Variants in GSE1 observed in about 807,000 individuals in gnomAD.
The protein encoded by GSE1 is Gse1 coiled-coil protein.
In GSE1, 32 loss-of-function variants were observed where a neutral mutation model predicts 112.6. The observed-to-expected ratio is 0.28, with a 90% CI of 0.21 to 0.38. The LOEUF (loss-of-function observed/expected upper bound fraction) is 0.38. GSE1 is among the 10% of genes least tolerant of loss of function. GSE1 has a pLI of 1.00. For missense variants in GSE1, 2,348 were observed against 1,699.2 expected (o/e 1.38, Z -6.71); for synonymous variants, 1,115 against 735.6 (o/e 1.52, Z -8.35).
intron 8 of GSE1, among the ~76,000 whole-genome samples, chr16:85,660,480 G>A (rs915669508): frequency 1.3e-5 from 2 of 152,042 alleles, no homozygotes; most frequent in African/African-American, 4.8e-5. Context: ...CTACTAAATA[G>A]GAAAAATTAG....
chr16:85,622,519 C>T lies in GSE1; in HGVS notation c.7+9121C>T, dbSNP rs146326846. Among the ~76,000 whole-genome samples, 528 of 152,294 alleles carry T rather than the reference C, an allele frequency of 3.5e-3. 5 individuals carry two copies. Among genetic ancestry groups the T allele is most frequent in the Non-Finnish European group, 9.0e-4 (61 of 68,034 alleles). ...TGGATGCTACACATCTTCAAACACA[C>T]GCTCCCACAGGGTTTACAGATAGGC... On this transcript the variant is annotated intron_variant, in intron 1 of 15. Transcript: ENST00000253458.
chr16:85,532,214 G>A (rs1011386053), intron 2 of GSE1, among the ~76,000 whole-genome samples: 7 of 152,130 alleles, frequency 4.6e-5, no homozygotes, highest in East Asian at 3.8e-4. Context: ...ACTGAGGCAC[G>A]TAGGAGTATG....
chr16:85,463,985 C>T (rs973987099), intron 2 of GSE1, among the ~76,000 whole-genome samples: 2 of 152,112 alleles, frequency 1.3e-5, no homozygotes, highest in Admixed American at 1.3e-4. Context: ...TGGGCGGGGA[C>T]GCTGGCCTCA....
At chr16:85,466,678 A>G (rs112263103) in intron 2 of GSE1, among the ~76,000 whole-genome samples, 1,844 of 150,314 alleles carry the variant, frequency 0.012, 33 homozygotes, top group African/African-American at 0.044. Context: ...TGCAAATTAA[A>G]AAAAAAAAGA....
intron 1 of GSE1, among the ~76,000 whole-genome samples, chr16:85,332,506 T>C (rs1006677775): frequency 1.3e-5 from 2 of 152,134 alleles, no homozygotes; most frequent in African/African-American, 2.4e-5. Context: ...GCGGGATCCA[T>C]AGCCAGCAGC....
chr16:85,361,656 G>A (rs2047084676), intron 2 of GSE1, among the ~76,000 whole-genome samples: 1 of 152,222 alleles, frequency 6.6e-6, no homozygotes, highest in African/African-American at 2.4e-5. Context: ...CACTTCCCTG[G>A]AAATGCCTCG....
At chr16:85,254,050 C>T (rs1172084642) in intron 1 of GSE1, among the ~76,000 whole-genome samples, 1 of 152,168 alleles carries the variant, frequency 6.6e-6, no homozygotes. Flanking sequence ...GATGGGGACC[C>T]TGCCGTGTGG....
intron 2 of GSE1, among the ~76,000 whole-genome samples, chr16:85,420,554 C>T (rs1894183404): frequency 6.6e-6 from 1 of 152,146 alleles, no homozygotes; most frequent in Non-Finnish European, 1.5e-5. Flanking sequence ...CACTCAGGGC[C>T]CATGTGCCTC....
At chr16:85,496,468 C>T (rs1482237461) in intron 2 of GSE1, among the ~76,000 whole-genome samples, 1 of 152,228 alleles carries the variant, frequency 6.6e-6, no homozygotes, top group African/African-American at 2.4e-5. Context: ...GGGAGACCAG[C>T]AAAGGGTGCT....
intron 1 of GSE1, among the ~76,000 whole-genome samples, chr16:85,284,685 G>A (rs994431881): frequency 6.6e-6 from 1 of 152,186 alleles, no homozygotes; most frequent in Non-Finnish European, 1.5e-5. Context: ...AGTAGGATGT[G>A]ATCGTTCAGG....
chr16:85,564,805 TC>T, intron 1 of GSE1, among the ~76,000 whole-genome samples: 1 of 152,282 alleles, frequency 6.6e-6, no homozygotes, highest in East Asian at 1.9e-4. Flanking sequence ...TCAAATCTGT[TC>T]CCTGCTCCTC....
exon 1 of GSE1, chr16:85,170,696 A>C: frequency 1.0e-6 from 1 of 985,716 alleles, no homozygotes; most frequent in African/African-American, 1.7e-5. Flanking sequence ...AAGCAGGAGA[A>C]GCTGGCTCAG....
intron 2 of GSE1, among the ~76,000 whole-genome samples, chr16:85,459,355 G>A (rs189490688): frequency 3.8e-4 from 58 of 152,298 alleles, no homozygotes; most frequent in Admixed American, 2.4e-3. Context: ...GACCCATCCC[G>A]TGCCCAGCTG....
chr16:85,445,306 T>G (rs1017184173), intron 2 of GSE1, among the ~76,000 whole-genome samples: 22 of 152,088 alleles, frequency 1.4e-4, no homozygotes, highest in African/African-American at 4.6e-4. Flanking sequence ...GAGAGGCGAG[T>G]GTGCTGCTAC....
chr16:85,241,389 C>G (rs1049380450), intron 1 of GSE1, among the ~76,000 whole-genome samples: 1 of 152,192 alleles, frequency 6.6e-6, no homozygotes, highest in East Asian at 1.9e-4. Context: ...CTGTCTCTGC[C>G]CCACCTTTTC....
At chr16:85,309,673 G>A (rs1567679129) in intron 1 of GSE1, among the ~76,000 whole-genome samples, 1 of 152,226 alleles carries the variant, frequency 6.6e-6, no homozygotes, top group Non-Finnish European at 1.5e-5. Flanking sequence ...CTGCTCTGCA[G>A]ACGCCATTTG....
chr16:85,550,159 G>A (rs1447615636), intron 2 of GSE1, among the ~76,000 whole-genome samples: 1 of 152,144 alleles, frequency 6.6e-6, no homozygotes, highest in East Asian at 1.9e-4. Flanking sequence ...TAATGTCACT[G>A]CCCGAGGGCA....
intron 1 of GSE1, among the ~76,000 whole-genome samples, chr16:85,228,577 G>A (rs531653797): frequency 1.3e-5 from 2 of 152,296 alleles, no homozygotes; most frequent in South Asian, 2.1e-4. Flanking sequence ...TGGAGTTGCC[G>A]TGGGCATTCC....
At chr16:85,624,580 G>A (rs754481676) in intron 1 of GSE1, among the ~76,000 whole-genome samples, 2 of 152,320 alleles carry the variant, frequency 1.3e-5, no homozygotes, top group Admixed American at 6.5e-5. Context: ...CAATCTCTTC[G>A]CACATTAAAG....
Sources: allele counts gnomAD v4.1 joint callset (sites outside exome capture counted in the v4.1 genomes callset), GRCh38; gene constraint gnomAD v4.1.1; transcripts MANE v1.5; gene names NCBI Gene and HGNC (gene_info 2026-07-23, HGNC 2026-07-21).